The following FIP1L1 variants were observed in gnomAD, a reference collection of about 807,000 sequenced individuals.
FIP1L1 encodes the protein factor interacting with PAPOLA and CPSF1.
FIP1L1 carries 21 observed loss-of-function variants against 84.6 expected under a neutral mutation model. The observed-to-expected ratio is 0.25, with a 90% CI of 0.18 to 0.36. FIP1L1 has a LOEUF of 0.36. Ranked by LOEUF, FIP1L1 falls within the 10% of genes least tolerant of loss-of-function variation. FIP1L1 has a pLI of 1.00. For synonymous variants in FIP1L1, 263 were observed against 242.3 expected, an observed-to-expected ratio of 1.09 and a Z score of -0.80; for missense variants, 526 against 751.1, an observed-to-expected ratio of 0.70 and a Z score of 3.50.
chr4:53,451,874 G>T, intron 15 of FIP1L1, among the ~76,000 whole-genome samples: 1 of 148,768 alleles, frequency 6.7e-6, no homozygotes. Context: ...TTCTCTATCT[G>T]ATAGACATTC....
At chr4:53,417,738 A>AACACACACACACAC (rs371194870) in intron 11 of FIP1L1, among the ~76,000 whole-genome samples, 8 of 70,400 alleles carry the variant, frequency 1.1e-4, no homozygotes, top group African/African-American at 5.3e-4. Context: ...TCTCTTTTTA[A>AACACACACACACAC]ACACACACAC....
At chr4:53,409,468 C>G (rs979881026) in intron 10 of FIP1L1, among the ~76,000 whole-genome samples, 1 of 152,210 alleles carries the variant, frequency 6.6e-6, no homozygotes, top group Non-Finnish European at 1.5e-5. Context: ...CTTGAGGAGG[C>G]AGTCTGCCCG....
intron 13 of FIP1L1, among the ~76,000 whole-genome samples, chr4:53,441,437 G>T (rs1771895970): frequency 6.6e-6 from 1 of 152,098 alleles, no homozygotes; most frequent in East Asian, 1.9e-4. Flanking sequence ...ATCAGGGAAA[G>T]TCAAAGGAAT....
At chr4:53,415,372 CA>C (rs1273002399) in intron 11 of FIP1L1, among the ~76,000 whole-genome samples, 3 of 152,084 alleles carry the variant, frequency 2.0e-5, no homozygotes, top group Non-Finnish European at 4.4e-5. Context: ...CAATGAGAAA[CA>C]ACTATGTTCC....
At chr4:53,403,227 T>TA (rs1443093781) in intron 10 of FIP1L1, among the ~76,000 whole-genome samples, 5 of 152,072 alleles carry the variant, frequency 3.3e-5, no homozygotes, top group African/African-American at 1.2e-4. Context: ...TGAGTTAAAG[T>TA]AAAAAATTGA....
intron 13 of FIP1L1, among the ~76,000 whole-genome samples, chr4:53,434,496 A>G (rs1768187756): frequency 6.7e-6 from 1 of 150,056 alleles, no homozygotes; most frequent in Admixed American, 6.6e-5. Flanking sequence ...TTTGAGATGA[A>G]GTTTTGTTCT....
intron 10 of FIP1L1, among the ~76,000 whole-genome samples, chr4:53,405,942 C>T (rs1171388360): frequency 4.2e-4 from 64 of 151,864 alleles, no homozygotes; most frequent in African/African-American, 1.3e-3. Flanking sequence ...TATACAATCA[C>T]GTCATCTGCA....
chr4:53,394,200 T>A (rs1469160510), intron 9 of FIP1L1, among the ~76,000 whole-genome samples: 5 of 152,238 alleles, frequency 3.3e-5, no homozygotes, highest in Non-Finnish European at 7.3e-5. Flanking sequence ...TAGGCTGTTT[T>A]GTTTCTGTTA....
At chr4:53,444,640 G>T (rs181163929) in intron 15 of FIP1L1, among the ~76,000 whole-genome samples, 13 of 152,076 alleles carry the variant, frequency 8.5e-5, no homozygotes, top group African/African-American at 2.9e-4. Flanking sequence ...TGTTGCCTAG[G>T]CTGGCGTGCA....
chr4:53,390,964 A>G, intron 7 of FIP1L1, 45 bp from the exon 8 acceptor site: 2 of 1,492,074 alleles, frequency 1.3e-6, no homozygotes, highest in African/African-American at 1.4e-5. Flanking sequence ...CTGCATAAAA[A>G]TAGAGCTGAA....
chr4:53,433,925 G>A (rs553549608), intron 13 of FIP1L1, among the ~76,000 whole-genome samples: 17 of 150,980 alleles, frequency 1.1e-4, no homozygotes, highest in African/African-American at 4.1e-4. Context: ...TTAATTTCGG[G>A]TTAGGGATGA....
chr4:53,423,203 A>G (rs1763062044), intron 11 of FIP1L1, among the ~76,000 whole-genome samples: 1 of 152,164 alleles, frequency 6.6e-6, no homozygotes, highest in African/African-American at 2.4e-5. Flanking sequence ...GGGGAGGTAG[A>G]GGCTCTTGGG....
intron 9 of FIP1L1, among the ~76,000 whole-genome samples, chr4:53,398,297 C>A (rs1459178614): frequency 6.6e-6 from 1 of 152,086 alleles, no homozygotes; most frequent in African/African-American, 2.4e-5. Context: ...AGAATCAGGG[C>A]ATTTAAAAAT....
chr4:53,383,119 C>G (rs1208161654), intron 4 of FIP1L1, among the ~76,000 whole-genome samples: 2 of 151,088 alleles, frequency 1.3e-5, no homozygotes, highest in Non-Finnish European at 2.9e-5. Flanking sequence ...CAAGACTTCT[C>G]AAATACTTAT....
Position 53,391,132 on chromosome 4 carries a change from A to G in FIP1L1, c.629A>G (p.Lys210Arg), listed in dbSNP as rs1744022855. Residue 210 changes from lysine to arginine, a missense_variant, in exon 8 of 18, where the codon AAA (lysine) becomes AGA (arginine). Lys to Arg is a conservative substitution (Grantham distance 26). Around this residue, in one of 6 missense-constraint regions of FIP1L1, gnomAD observed 169 missense variants for 206.9 expected, o/e 0.82. Transcript: ENST00000337488. ...ATACCAGTAACCTCTACTACAAATAAAATTACGGTAATTAATAAATACTCC... is the reference window on the plus strand; with the variant it reads ...ATACCAGTAACCTCTACTACAAATAGAATTACGGTAATTAATAAATACTCC... Reference protein sequence around the residue: ...EVIPVTSTTNKITAEDCTMEV... With the variant: ...EVIPVTSTTNRITAEDCTMEV... The G allele has an allele frequency of 6.3e-7, 1 of 1,598,330 alleles. No individual in the cohort carries two copies. Among genetic ancestry groups the G allele is most frequent in the African/African-American group, 1.4e-5 (1 of 73,768 alleles).
At chr4:53,444,183 T>TTCGC in intron 15 of FIP1L1, 80 bp downstream of exon 15, 1 of 947,606 alleles carries the variant, frequency 1.1e-6, no homozygotes, top group Non-Finnish European at 1.7e-6. Flanking sequence ...TAAAAACGTG[T>TTCGC]TCATGGTTTA....
chr4:53,388,360 GAT>G, intron 5 of FIP1L1, among the ~76,000 whole-genome samples: 1 of 147,150 alleles, frequency 6.8e-6, no homozygotes. Context: ...TTTTTTTTGA[GAT>G]AGAGTCTCGC....
intron 5 of FIP1L1, among the ~76,000 whole-genome samples, chr4:53,385,710 T>C (rs908067218): frequency 2.6e-5 from 4 of 152,308 alleles, no homozygotes; most frequent in East Asian, 3.9e-4. Context: ...ATGTGAATGC[T>C]CATTTACCCA....
At chr4:53,390,689 T>A in intron 7 of FIP1L1, 61 bp downstream of exon 7, 1 of 1,070,768 alleles carries the variant, frequency 9.3e-7, no homozygotes, top group South Asian at 1.5e-5. Flanking sequence ...TCAGAAAATT[T>A]TTTTGAACAT....
Sources: allele counts gnomAD v4.1 joint callset (sites outside exome capture counted in the v4.1 genomes callset), GRCh38; gene constraint gnomAD v4.1.1; regional missense constraint gnomAD v4.1.1; transcripts MANE v1.5; gene names NCBI Gene and HGNC (gene_info 2026-07-23, HGNC 2026-07-21).